STARD9: variants seen among roughly 807,000 people sequenced by gnomAD.
STARD9 encodes StAR related lipid transfer domain containing 9.
Under a neutral mutation model 399.8 loss-of-function variants are expected in STARD9, and 346 were observed. The ratio of observed to expected loss-of-function variants is 0.87; its 90% CI spans 0.79 to 0.95. The LOEUF (loss-of-function observed/expected upper bound fraction) is 0.95, where lower values mean the gene tolerates loss of function less well. Ranked by LOEUF, STARD9 falls within the 40% of genes least tolerant of loss-of-function variation. The pLI, the probability that STARD9 is intolerant of heterozygous loss-of-function variation, is 0.00. For missense variants in STARD9, 5,832 were observed against 5,667.5 expected (o/e 1.03, Z -0.93); for synonymous variants, 2,203 against 2,143.5 (o/e 1.03, Z -0.77).
chr15:42,638,871 A>C, intron 7 of STARD9, 59 bp downstream of exon 7: 1 of 973,350 alleles, frequency 1.0e-6, no homozygotes, highest in Non-Finnish European at 1.5e-6. Flanking sequence ...AGCTCTCCTA[A>C]TGTTCCCTAA....
chr15:42,649,562 CT>C (rs754040468), intron 7 of STARD9, among the ~76,000 whole-genome samples: 314 of 143,432 alleles, frequency 2.2e-3, no homozygotes, highest in Middle Eastern at 7.5e-3. Context: ...AGCAGAGTTA[CT>C]TTTTTTTTTT....
At chr15:42,626,942 CGCG>C (rs778928569) in intron 3 of STARD9, among the ~76,000 whole-genome samples, 16 of 151,866 alleles carry the variant, frequency 1.1e-4, no homozygotes, top group Non-Finnish European at 2.2e-4. Flanking sequence ...CTTCTACCTC[CGCG>C]GCTAAAGCGA....
At chr15:42,718,584 T>C in intron 31 of STARD9, 70 bp downstream of exon 31, 1 of 1,480,576 alleles carries the variant, frequency 6.8e-7, no homozygotes, top group Middle Eastern at 1.7e-4. Context: ...ACAATCTATG[T>C]GGGCCTCAGG....
Position 42,693,450 on chromosome 15 carries a change from T to G in STARD9, c.11872T>G (p.Leu3958Val). The change falls in exon 23 of 33, where the codon TTA (leucine) becomes GTA (valine). Residue 3958 changes from leucine to valine, a missense_variant. Coordinates refer to ENST00000290607, the MANE Select transcript of STARD9 (RefSeq NM_020759.3). Reference sequence around the variant, plus strand: ...TAATTATTCCCAAACCACTGACGAGTTAGGTGGCTCCCAGAGAGGTAGAAG... The same window carrying G: ...TAATTATTCCCAAACCACTGACGAGGTAGGTGGCTCCCAGAGAGGTAGAAG... Reference protein sequence around the residue: ...MDNYSQTTDELGGSQRGRSSL... With the variant: ...MDNYSQTTDEVGGSQRGRSSL... 6.5e-7 allele frequency: 1 copy of G among 1,536,942 alleles called. No homozygotes were observed. Among genetic ancestry groups the G allele is most frequent in the South Asian group, 1.2e-5 (1 of 84,050 alleles).
intron 3 of STARD9, among the ~76,000 whole-genome samples, chr15:42,589,202 C>A (rs1387234925): frequency 6.6e-6 from 1 of 151,568 alleles, no homozygotes; most frequent in South Asian, 2.1e-4. Context: ...ACCTTTTTTT[C>A]TTTTTTAACA....
At chr15:42,680,283 C>T (rs2060399744) in intron 20 of STARD9, among the ~76,000 whole-genome samples, 1 of 152,108 alleles carries the variant, frequency 6.6e-6, no homozygotes, top group African/African-American at 2.4e-5. Context: ...AACCTGGTGG[C>T]AGAGTAAGGC....
chr15:42,586,840 CT>C (rs766190755), intron 3 of STARD9, among the ~76,000 whole-genome samples: 3,843 of 136,268 alleles, frequency 0.028, 133 homozygotes, highest in African/African-American at 0.083. Flanking sequence ...TTTCATAAAA[CT>C]TTTTTTTTTT....
rs1434902669 is a variant in STARD9 at position 42,693,355 on chromosome 15, A to T, written c.11777A>T (p.His3926Leu). The stretch of plus-strand genomic sequence containing the variant: ...TTGACCCTCTCAGCCCCTTCAACTC[A>T]CCCTGTTGAAGGCCACCAGAAGCTT... ...GSLTLSAPST[H>L]PVEGHQKLDS... Residue 3926 changes from histidine to leucine, a missense_variant, in exon 23 of 33, where the codon CAC (histidine) becomes CTC (leucine). Around this residue, in one of 2 missense-constraint regions of STARD9, gnomAD observed 5,828 missense variants for 5,651.1 expected, o/e 1.03. Coordinates refer to ENST00000290607, the MANE Select transcript of STARD9 (RefSeq NM_020759.3). 4 of 1,536,526 alleles carry T rather than the reference A, an allele frequency of 2.6e-6. No homozygotes were observed. The African/African-American group carries it at 5.5e-5, about 21-fold the overall frequency.
At chr15:42,597,584 T>A (rs2058532696) in intron 3 of STARD9, among the ~76,000 whole-genome samples, 2 of 152,082 alleles carry the variant, frequency 1.3e-5, no homozygotes, top group Admixed American at 1.3e-4. Flanking sequence ...TTGCCCAGAC[T>A]GGAGCACAGT....
chr15:42,707,993 GA>G (rs71307484), intron 26 of STARD9, among the ~76,000 whole-genome samples: 113 of 130,226 alleles, frequency 8.7e-4, no homozygotes, highest in East Asian at 1.2e-3. Flanking sequence ...GGGCAACATA[GA>G]AAAAAAAAAA....
intron 3 of STARD9, 68 bp downstream of exon 3, chr15:42,585,705 T>A (rs2058263280): frequency 9.7e-7 from 1 of 1,034,860 alleles, no homozygotes; most frequent in Non-Finnish European, 1.4e-6. Context: ...AGATGTTTAT[T>A]ATAAAGATAC....
At chr15:42,700,482 G>T (rs753172030) in intron 26 of STARD9, among the ~76,000 whole-genome samples, 1 of 152,196 alleles carries the variant, frequency 6.6e-6, no homozygotes, top group Non-Finnish European at 1.5e-5. Context: ...TAGATGGAGC[G>T]AAGTGATATT....
intron 4 of STARD9, among the ~76,000 whole-genome samples, 152 bp from the exon 5 acceptor site, chr15:42,637,755 C>G (rs757061589): frequency 3.3e-5 from 5 of 152,152 alleles, no homozygotes; most frequent in African/African-American, 4.8e-5. Context: ...TAAAAGTCTT[C>G]TATATTCCCC....
chr15:42,686,202 C>G lies in STARD9; in HGVS notation c.4624C>G (p.Leu1542Val), dbSNP rs76887315. 8.3e-5 allele frequency: 127 copies of G among 1,537,652 alleles called. No homozygotes were observed. The highest frequency in any genetic ancestry group is 6.5e-4 in the South Asian group (55 of 84,068). ...LPVGPRVSSNLNLNNFPVHLS... is the reference protein window; with the variant it reads ...LPVGPRVSSNVNLNNFPVHLS... ...AGTTGGCCCTAGGGTATCTAGCAAT[C>G]TGAATCTCAACAACTTTCCAGTCCA... The change falls in exon 23 of 33, where the codon CTG becomes GTG. Residue 1542 changes from leucine (L) to valine (V), a missense_variant. Leu to Val is a conservative substitution (Grantham distance 32). Coordinates refer to ENST00000290607, the MANE Select transcript of STARD9 (RefSeq NM_020759.3).
chr15:42,586,753 C>T (rs2058284786), intron 3 of STARD9, among the ~76,000 whole-genome samples: 1 of 152,064 alleles, frequency 6.6e-6, no homozygotes, highest in African/African-American at 2.4e-5. Flanking sequence ...TTGGGGAAAC[C>T]TGGACAGTCA....
At chr15:42,601,458 C>T (rs1354191175) in intron 3 of STARD9, among the ~76,000 whole-genome samples, 2 of 151,142 alleles carry the variant, frequency 1.3e-5, no homozygotes, top group African/African-American at 4.9e-5. Flanking sequence ...AGGCGCCCCC[C>T]AACCTCCCAG....
chr15:42,631,936 T>C (rs991282279), intron 3 of STARD9, among the ~76,000 whole-genome samples: 34 of 152,236 alleles, frequency 2.2e-4, no homozygotes, highest in African/African-American at 7.7e-4. Flanking sequence ...TGAAATGTTC[T>C]GTAAATATCT....
Position 42,586,854 on chromosome 15 carries a change from T to TC in STARD9, c.234+1217_234+1218insC, listed in dbSNP as rs1035465915. Among the ~76,000 whole-genome samples, 22 of 152,094 alleles carry TC rather than the reference T, an allele frequency of 1.4e-4. No individual in the cohort carries two copies. In the South Asian group the frequency reaches 3.7e-3, roughly 26 times the overall value. ...CTTTCATAAAACTTTTTTTTTTTTTTTGGTGGGGGGCCGGGGGGCGGAGAT... is the reference window on the plus strand; with the variant it reads ...CTTTCATAAAACTTTTTTTTTTTTTTCTGGTGGGGGGCCGGGGGGCGGAGAT... On this transcript the variant is annotated intron_variant, in intron 3 of 32. Transcript: ENST00000290607.
At chr15:42,660,860 A>G (rs1369423131) in intron 9 of STARD9, among the ~76,000 whole-genome samples, 2 of 152,040 alleles carry the variant, frequency 1.3e-5, no homozygotes, top group Admixed American at 1.3e-4. Flanking sequence ...AATTGTACTG[A>G]AATTTCCTGA....
Sources: gnomAD v4.1 joint callset for allele counts (sites outside exome capture counted in the v4.1 genomes callset) on GRCh38, gnomAD v4.1.1 for gene constraint, gnomAD v4.1.1 regional missense constraint, MANE v1.5 for transcripts, NCBI Gene and HGNC (gene_info 2026-07-23, HGNC 2026-07-21) for gene names.